CSMD2: variants seen among roughly 807,000 people sequenced by gnomAD.
CSMD2 encodes the protein CUB and Sushi multiple domains 2.
CSMD2 carries 130 observed loss-of-function variants against 398.5 expected under a neutral mutation model. The ratio of observed to expected loss-of-function variants is 0.33; its 90% CI spans 0.28 to 0.38. CSMD2 has a LOEUF of 0.38. Ranked by LOEUF, CSMD2 falls within the 10% of genes least tolerant of loss-of-function variation. The probability of loss-of-function intolerance (pLI) is 1.00; values close to 1 mark genes in which losing one functional copy is unlikely to be tolerated. For missense variants in CSMD2, 3,829 were observed against 4,764.9 expected (o/e 0.80, Z 5.78); for synonymous variants, 1,828 against 1,908.5 (o/e 0.96, Z 1.10).
At chr1:33,922,324 C>T (rs1295647185) in intron 4 of CSMD2, among the ~76,000 whole-genome samples, 1 of 152,048 alleles carries the variant, frequency 6.6e-6, no homozygotes, top group Admixed American at 6.6e-5. Context: ...GGGAGGGGCA[C>T]TCAGGTGGAA....
At chr1:34,104,668 C>T (rs910877000) in intron 1 of CSMD2, among the ~76,000 whole-genome samples, 7 of 152,180 alleles carry the variant, frequency 4.6e-5, no homozygotes, top group African/African-American at 7.2e-5. Context: ...ACCTGCCACA[C>T]GGAGCACCAG....
At chr1:33,679,397 T>A (rs571892172) in intron 25 of CSMD2, among the ~76,000 whole-genome samples, 6 of 152,234 alleles carry the variant, frequency 3.9e-5, no homozygotes, top group African/African-American at 1.4e-4. Flanking sequence ...AGATGGGGTT[T>A]CACCATGTTG....
At chr1:33,676,984 T>G (rs1319743579) in intron 25 of CSMD2, among the ~76,000 whole-genome samples, 1 of 152,192 alleles carries the variant, frequency 6.6e-6, no homozygotes, top group Non-Finnish European at 1.5e-5. Flanking sequence ...GACTTACATG[T>G]TAGACCTAAA....
chr1:33,725,610 C>A, intron 16 of CSMD2, 74 bp from the exon 17 acceptor site: 1 of 1,416,332 alleles, frequency 7.1e-7, no homozygotes. Flanking sequence ...AAAGCCCTGC[C>A]TGACCCAGGG....
intron 12 of CSMD2, among the ~76,000 whole-genome samples, chr1:33,783,103 G>A (rs1653001711): frequency 6.6e-6 from 1 of 152,170 alleles, no homozygotes; most frequent in African/African-American, 2.4e-5. Context: ...GGAGTCAGAG[G>A]TGGGGAGAGG....
chr1:34,047,873 CAGG>C (rs1444175955), intron 2 of CSMD2, among the ~76,000 whole-genome samples: 1 of 152,252 alleles, frequency 6.6e-6, no homozygotes, highest in Admixed American at 6.5e-5. Flanking sequence ...CAACTAATGA[CAGG>C]AGAACAAATG....
chr1:33,804,971 C>T (rs2124938573), intron 10 of CSMD2: 1 of 703,700 alleles, frequency 1.4e-6, no homozygotes, highest in Non-Finnish European at 2.6e-6. Flanking sequence ...CAAGGCCCCA[C>T]AGAGATATTA....
At chr1:33,922,789 C>T (rs1464702088) in intron 4 of CSMD2, among the ~76,000 whole-genome samples, 1 of 152,156 alleles carries the variant, frequency 6.6e-6, no homozygotes, top group Non-Finnish European at 1.5e-5. Flanking sequence ...ATCCTGTCCC[C>T]CGCCATCACT....
chr1:34,122,402 C>T (rs1049691786), intron 1 of CSMD2, among the ~76,000 whole-genome samples: 1 of 152,146 alleles, frequency 6.6e-6, no homozygotes, highest in South Asian at 2.1e-4. Flanking sequence ...ATGGGATGGG[C>T]TGCGTCCAAG....
At chr1:33,523,206 A>G (rs1397877708) in intron 67 of CSMD2, 101 bp downstream of exon 67, 30 of 619,732 alleles carry the variant, frequency 4.8e-5, no homozygotes. Flanking sequence ...ACCTCCTCCC[A>G]AGTTGCCAGA....
At position 33,700,634 on chromosome 1, in the gene CSMD2, C is replaced by T. The variant is rs745816028; in HGVS notation, c.3616G>A (p.Val1206Ile). 6.2e-7 allele frequency: 1 copy of T among 1,614,196 alleles called. No individual in the cohort carries two copies. The highest frequency in any genetic ancestry group is 8.5e-7 in the Non-Finnish European group (1 of 1,180,028). The change falls in exon 23 of 71, where the codon GTT becomes ATT. Residue 1206 changes from valine to isoleucine, a missense_variant. Physicochemically the swap from Val to Ile is conservative, Grantham distance 29 (BLOSUM62 3). Transcript: ENST00000373381. The stretch of plus-strand genomic sequence containing the variant: ...CCCATCATCTCAGAATGGCTAAAAA[C>T]TCCCAGCAAACGGGCGGAGTTGTTG... ...GNNNSARLLG[V>I]FSHSEMMGVT...
At position 33,931,889 on chromosome 1, in the gene CSMD2, C is replaced by G. The variant is rs116210974; in HGVS notation, c.712+3871G>C. 1.9e-3 allele frequency among the ~76,000 whole-genome samples: 294 copies of G among 152,258 alleles called. 1 individual carries two copies. Among genetic ancestry groups the G allele is most frequent in the African/African-American group, 6.9e-3 (287 of 41,564 alleles). ...ACAGGTAGGAATGGGCTGGTGTGAGCAGGAGAGAACTGGGGCACACCTGCC... is the reference window on the plus strand; with the variant it reads ...ACAGGTAGGAATGGGCTGGTGTGAGGAGGAGAGAACTGGGGCACACCTGCC... On this transcript the variant is annotated intron_variant, in intron 4 of 70. Coordinates refer to ENST00000373381, the MANE Select transcript of CSMD2 (RefSeq NM_001281956.2).
chr1:33,667,915 C>T (rs960939288), intron 25 of CSMD2, among the ~76,000 whole-genome samples: 8 of 152,136 alleles, frequency 5.3e-5, no homozygotes, highest in South Asian at 4.1e-4. Context: ...TGCCATTCTC[C>T]GGGAGCTTCT....
rs377334189 is a variant in CSMD2 at position 34,040,619 on chromosome 1, C to T, written c.405-7913G>A. On this transcript the variant is annotated intron_variant, in intron 2 of 70. Transcript: ENST00000373381. ...TTTGGTGTTTCGAGGAGCAGCCACA[C>T]AGAGTCTTAGGTGACTCTGATGCTG... Among the ~76,000 whole-genome samples the T allele has an allele frequency of 3.9e-5, 6 of 152,192 alleles. No individual in the cohort carries two copies. In the South Asian group the frequency reaches 8.3e-4, roughly 21 times the overall value.
intron 2 of CSMD2, among the ~76,000 whole-genome samples, chr1:34,087,320 A>G (rs1657998233): frequency 6.6e-6 from 1 of 152,104 alleles, no homozygotes; most frequent in Non-Finnish European, 1.5e-5. Flanking sequence ...TGTCCTTTGC[A>G]GGGACATGGA....
At chr1:34,018,661 T>C (rs1035396816) in intron 3 of CSMD2, among the ~76,000 whole-genome samples, 6 of 152,244 alleles carry the variant, frequency 3.9e-5, no homozygotes, top group Admixed American at 1.3e-4. Flanking sequence ...AGTGCTGCTA[T>C]GTATTTATTT....
chr1:33,590,967 A>C (rs1375430177), intron 44 of CSMD2, among the ~76,000 whole-genome samples: 1 of 146,516 alleles, frequency 6.8e-6, no homozygotes, highest in African/African-American at 2.5e-5. Context: ...CTTTCATTTG[A>C]AGCTTTTATT....
In CSMD2 at chr1:33,724,583, T is replaced by C. The variant is rs151300619; in HGVS notation, c.2817A>G (p.Leu939=). Residue 939 remains leucine (L), a synonymous_variant, in exon 18 of 71, where the codon TTA becomes TTG. Coordinates refer to ENST00000373381, the MANE Select transcript of CSMD2 (RefSeq NM_001281956.2). ...CACACTCCAGAGGCTCCCCGTCACT[T>C]AATGTGTAGCCCGAGTCACAGCTGA... ...VTFSCDSGYT[L]SDGEPLECEP... 2.5e-6 allele frequency: 4 copies of C among 1,614,072 alleles called. No homozygotes were observed. The African/African-American group carries it at 5.3e-5, about 22-fold the overall frequency.
intron 4 of CSMD2, among the ~76,000 whole-genome samples, chr1:33,925,316 T>A (rs1644089205): frequency 6.6e-6 from 1 of 152,200 alleles, no homozygotes; most frequent in Non-Finnish European, 1.5e-5. Context: ...CTTCCCCTAA[T>A]GCATGTTCTT....
Sources: gnomAD v4.1 joint callset for allele counts (sites outside exome capture counted in the v4.1 genomes callset) on GRCh38, gnomAD v4.1.1 for gene constraint, MANE v1.5 for transcripts, NCBI Gene and HGNC (gene_info 2026-07-23, HGNC 2026-07-21) for gene names.